GRM8: variants seen among roughly 807,000 people sequenced by gnomAD.
The protein encoded by GRM8 is glutamate metabotropic receptor 8.
A neutral mutation model predicts 87.2 loss-of-function variants in GRM8; 47 were observed. That is an observed-to-expected ratio of 0.54 (90% CI 0.43 to 0.69). The LOEUF (loss-of-function observed/expected upper bound fraction) is 0.69. Ranked by LOEUF, GRM8 falls within the 30% of genes least tolerant of loss-of-function variation. GRM8 has a pLI of 0.00. For missense variants in GRM8, 1,019 were observed against 1,139.2 expected (o/e 0.89, Z 1.52); for synonymous variants, 396 against 404.5 (o/e 0.98, Z 0.25).
chr7:126,681,698 A>C (rs1186283585), intron 7 of GRM8, among the ~76,000 whole-genome samples: 1 of 152,166 alleles, frequency 6.6e-6, no homozygotes, highest in Non-Finnish European at 1.5e-5. Flanking sequence ...ATTTACTTTC[A>C]ATTGCTAGAT....
intron 3 of GRM8, among the ~76,000 whole-genome samples, chr7:126,909,526 T>C (rs1362808640): frequency 6.6e-6 from 1 of 152,192 alleles, no homozygotes; most frequent in Non-Finnish European, 1.5e-5. Context: ...TGCAGGGGTG[T>C]TACTGTTCTG....
chr7:127,218,809 C>T (rs1024180752), intron 2 of GRM8, among the ~76,000 whole-genome samples: 2 of 152,212 alleles, frequency 1.3e-5, no homozygotes, highest in Non-Finnish European at 2.9e-5. Context: ...ATTATTTGAA[C>T]TTGAATGTTC....
chr7:127,250,428 G>A (rs968281440), intron 1 of GRM8, among the ~76,000 whole-genome samples: 3 of 152,206 alleles, frequency 2.0e-5, no homozygotes, highest in African/African-American at 7.2e-5. Context: ...ACAGTATACA[G>A]CTGTGTTCTC....
At chr7:126,881,612 C>A (rs2130995077) in intron 6 of GRM8, among the ~76,000 whole-genome samples, 1 of 152,272 alleles carries the variant, frequency 6.6e-6, no homozygotes, top group East Asian at 1.9e-4. Flanking sequence ...ACAATTTGCA[C>A]AGTCTGAGCT....
At chr7:126,464,242 C>T (rs1007315987) in intron 9 of GRM8, among the ~76,000 whole-genome samples, 6 of 151,748 alleles carry the variant, frequency 4.0e-5, no homozygotes, top group Non-Finnish European at 7.4e-5. Flanking sequence ...GTCTTGAAAT[C>T]TATTTTGTCT....
At chr7:126,583,795 A>G (rs1312111832) in intron 8 of GRM8, among the ~76,000 whole-genome samples, 1 of 152,238 alleles carries the variant, frequency 6.6e-6, no homozygotes, top group East Asian at 1.9e-4. Flanking sequence ...ACTCCTGCTG[A>G]CGATTTGGTG....
chr7:126,821,141 T>C (rs1794260881), intron 6 of GRM8, among the ~76,000 whole-genome samples: 1 of 152,182 alleles, frequency 6.6e-6, no homozygotes, highest in African/African-American at 2.4e-5. Context: ...TTATTACCTT[T>C]CTACTGATCC....
intron 3 of GRM8, among the ~76,000 whole-genome samples, chr7:127,101,407 A>G (rs561157031): frequency 7.9e-5 from 12 of 152,272 alleles, no homozygotes; most frequent in East Asian, 5.8e-4. Flanking sequence ...GTAATCCCCA[A>G]TGCTGAAGGT....
chr7:126,751,285 C>T (rs1418316620), intron 7 of GRM8, among the ~76,000 whole-genome samples: 1 of 129,780 alleles, frequency 7.7e-6, no homozygotes. Flanking sequence ...TTTTGTATGG[C>T]TTCTTTTTTG....
rs888782769 is a variant in GRM8, at chr7:127,212,511, G to T, written c.510+30184C>A. The stretch of plus-strand genomic sequence containing the variant: ...CGGCTCACTGCAAGCTCCGCCTCCC[G>T]GGTTCACGCCATTCTCCTGCCTCAG... On this transcript the variant is annotated intron_variant, in intron 2 of 10. Transcript: ENST00000339582. 2.8e-5 allele frequency among the ~76,000 whole-genome samples: 4 copies of T among 141,794 alleles called. No homozygotes were observed. In the South Asian group the frequency reaches 8.9e-4, roughly 32 times the overall value. 93.0% of individuals were successfully genotyped at this position (141,794 alleles called of 152,430 possible). A position where few individuals can be genotyped will look rare whatever the true frequency, so the allele number is the denominator to read the frequency against.
rs62468894 is a variant in GRM8, at chr7:127,232,189, G to T, written c.510+10506C>A. Reference sequence around the variant, plus strand: ...CATCAGTTCTGTTTCTTCTTTGTGTGTGTGTGTGTGTGTGTGTGTGTGTGA... The same window carrying T: ...CATCAGTTCTGTTTCTTCTTTGTGTTTGTGTGTGTGTGTGTGTGTGTGTGA... On this transcript the variant is annotated intron_variant, in intron 2 of 10. Coordinates refer to ENST00000339582, the MANE Select transcript of GRM8 (RefSeq NM_000845.3). Among the ~76,000 whole-genome samples, 177 of 143,752 alleles carry T rather than the reference G, an allele frequency of 1.2e-3. 1 individual carries two copies. Among genetic ancestry groups the T allele is most frequent in the African/African-American group, 4.4e-3 (172 of 38,964 alleles). 94.3% of individuals were successfully genotyped at this position (143,752 alleles called of 152,430 possible). A position where few individuals can be genotyped will look rare whatever the true frequency, so the allele number is the denominator to read the frequency against.
At chr7:126,786,865 C>A (rs1820677263) in intron 6 of GRM8, among the ~76,000 whole-genome samples, 2 of 152,178 alleles carry the variant, frequency 1.3e-5, no homozygotes, top group South Asian at 2.1e-4. Flanking sequence ...ATTAATCTGA[C>A]AAAGCGTTTC....
chr7:126,570,491 T>C (rs1168785718), intron 8 of GRM8, among the ~76,000 whole-genome samples: 1 of 152,202 alleles, frequency 6.6e-6, no homozygotes, highest in African/African-American at 2.4e-5. Flanking sequence ...AAATATCTCC[T>C]GTACTCCTAG....
Position 127,237,138 on chromosome 7 carries a change from A to G in GRM8, c.510+5557T>C, listed in dbSNP as rs578170020. On this transcript the variant is annotated intron_variant, in intron 2 of 10. Transcript: ENST00000339582. ...GATTACCAAGTCTCCATTTTGAAAG[A>G]TCTCTGTAGCTGGGAGTTTAAGTGC... 6.6e-5 allele frequency among the ~76,000 whole-genome samples: 10 copies of G among 152,322 alleles called. No homozygotes were observed. The South Asian group carries it at 2.1e-3, about 32-fold the overall frequency.
intron 3 of GRM8, among the ~76,000 whole-genome samples, chr7:127,069,750 G>A (rs1358950287): frequency 1.3e-5 from 2 of 152,188 alleles, no homozygotes; most frequent in African/African-American, 2.4e-5. Context: ...CAGAAATATG[G>A]TGTCATGATT....
At chr7:127,216,905 G>A (rs915059569) in intron 2 of GRM8, among the ~76,000 whole-genome samples, 19 of 152,038 alleles carry the variant, frequency 1.2e-4, no homozygotes, top group African/African-American at 4.6e-4. Context: ...CTTTGAGAGG[G>A]CCCTTCCCTA....
intron 7 of GRM8, among the ~76,000 whole-genome samples, chr7:126,683,591 T>C (rs573741971): frequency 4.9e-4 from 75 of 152,342 alleles, no homozygotes; most frequent in African/African-American, 1.8e-3. Context: ...ATCTCTCCAC[T>C]TAATTGTTCA....
rs779109567 is a variant in GRM8, at chr7:127,106,532, C to G, written c.691G>C (p.Gly231Arg). 6.2e-7 allele frequency: 1 copy of G among 1,613,758 alleles called. No homozygotes were observed. The highest frequency in any genetic ancestry group is 8.5e-7 in the Non-Finnish European group (1 of 1,179,840). The change falls in exon 3 of 11, where the codon GGT becomes CGT. Residue 231 changes from glycine (G) to arginine (R), a missense_variant. Transcript: ENST00000339582. Reference sequence around the variant, plus strand: ...GAGATCTGGGTGAAGGCCTCCACACCGCTCTCACCATAGTTCCCCTCAGAA... The same window carrying G: ...GAGATCTGGGTGAAGGCCTCCACACGGCTCTCACCATAGTTCCCCTCAGAA... ...LASEGNYGES[G>R]VEAFTQISRE...
At chr7:127,213,629 A>T (rs917856046) in intron 2 of GRM8, among the ~76,000 whole-genome samples, 3 of 151,966 alleles carry the variant, frequency 2.0e-5, no homozygotes, top group African/African-American at 7.3e-5. Flanking sequence ...CTCCTTTTCT[A>T]TCCTTTTGTT....
Sources: allele counts gnomAD v4.1 joint callset (sites outside exome capture counted in the v4.1 genomes callset), GRCh38; gene constraint gnomAD v4.1.1; transcripts MANE v1.5; gene names NCBI Gene and HGNC (gene_info 2026-07-23, HGNC 2026-07-21).